The following UIMC1 variants were observed in gnomAD, a reference collection of about 807,000 sequenced individuals.
The protein encoded by UIMC1 is BRCA1-A complex subunit RAP80.
UIMC1 carries 42 observed loss-of-function variants against 84.9 expected under a neutral mutation model. The ratio of observed to expected loss-of-function variants is 0.49; its 90% CI spans 0.39 to 0.64. UIMC1 has a LOEUF of 0.64. Among genes scored for constraint, UIMC1 ranks in the 30% least tolerant of loss-of-function variants. UIMC1 has a pLI of 0.00. For synonymous variants in UIMC1, 281 were observed against 293.0 expected, an observed-to-expected ratio of 0.96 and a Z score of 0.42; for missense variants, 825 against 847.6, an observed-to-expected ratio of 0.97 and a Z score of 0.33.
At chr5:176,957,511 G>A (rs1766753459) in intron 7 of UIMC1, among the ~76,000 whole-genome samples, 1 of 152,200 alleles carries the variant, frequency 6.6e-6, no homozygotes, top group Non-Finnish European at 1.5e-5. Context: ...AGGAGGTAAT[G>A]CAAATACCAT....
chr5:176,933,335 G>T, intron 10 of UIMC1, among the ~76,000 whole-genome samples: 1 of 152,214 alleles, frequency 6.6e-6, no homozygotes, highest in East Asian at 1.9e-4. Flanking sequence ...AAAGAAACAT[G>T]AAGTACAATG....
At chr5:176,935,520 C>A (rs1390574719) in intron 10 of UIMC1, among the ~76,000 whole-genome samples, 1 of 152,084 alleles carries the variant, frequency 6.6e-6, no homozygotes, top group African/African-American at 2.4e-5. Flanking sequence ...TCAGTCTGTC[C>A]CCAAAATCCT....
chr5:177,004,089 A>G (rs1270492822), intron 1 of UIMC1, among the ~76,000 whole-genome samples: 2 of 152,202 alleles, frequency 1.3e-5, no homozygotes, highest in Non-Finnish European at 2.9e-5. Context: ...TCAGCCTCCC[A>G]AAGTGCTGGG....
intron 1 of UIMC1, among the ~76,000 whole-genome samples, chr5:177,012,283 T>C (rs1021018620): frequency 2.6e-5 from 4 of 152,252 alleles, no homozygotes; most frequent in Admixed American, 1.3e-4. Flanking sequence ...TTTAACACAT[T>C]ATTTGTCTCT....
chr5:176,910,089 T>A (rs1202470335), intron 11 of UIMC1, among the ~76,000 whole-genome samples: 1 of 152,166 alleles, frequency 6.6e-6, no homozygotes, highest in Non-Finnish European at 1.5e-5. Flanking sequence ...AAGGCAAGTA[T>A]CTCTCTCAAA....
intron 1 of UIMC1, among the ~76,000 whole-genome samples, chr5:176,997,311 C>G (rs1270039506): frequency 6.6e-6 from 1 of 151,208 alleles, no homozygotes; most frequent in Non-Finnish European, 1.5e-5. Context: ...GGGTTCCTTA[C>G]TTTTACCACC....
intron 10 of UIMC1, among the ~76,000 whole-genome samples, chr5:176,917,074 C>T (rs375384098): frequency 6.6e-6 from 1 of 152,096 alleles, no homozygotes; most frequent in East Asian, 1.9e-4. Flanking sequence ...ACCTCAAAAC[C>T]ACCTCAGTAG....
chr5:176,970,478 GCTGTCA>G, intron 4 of UIMC1: 1 of 463,528 alleles, frequency 2.2e-6, no homozygotes, highest in East Asian at 4.6e-5. Flanking sequence ...CTTTTCAGAA[GCTGTCA>G]ACTTATGATA....
chr5:177,017,200 C>G (rs555373582), intron 1 of UIMC1, among the ~76,000 whole-genome samples: 1 of 152,308 alleles, frequency 6.6e-6, no homozygotes, highest in South Asian at 2.1e-4. Context: ...CTGATTCAAA[C>G]AACACTTCTT....
At chr5:176,972,825 A>G (rs1769463186) in intron 3 of UIMC1, among the ~76,000 whole-genome samples, 1 of 152,218 alleles carries the variant, frequency 6.6e-6, no homozygotes, top group Non-Finnish European at 1.5e-5. Context: ...TACCGACAAT[A>G]AAAGAGGAAA....
At chr5:176,987,555 A>T (rs940699444) in intron 1 of UIMC1, among the ~76,000 whole-genome samples, 1 of 152,098 alleles carries the variant, frequency 6.6e-6, no homozygotes, top group South Asian at 2.1e-4. Flanking sequence ...CAGGAGGCTG[A>T]GGTAAAAGGA....
intron 10 of UIMC1, among the ~76,000 whole-genome samples, chr5:176,932,496 GA>G (rs1262225368): frequency 6.6e-6 from 1 of 151,746 alleles, no homozygotes; most frequent in African/African-American, 2.4e-5. Flanking sequence ...ATAAAAACAG[GA>G]GACAGATATA....
rs1759252907 is a variant in UIMC1, at chr5:176,905,564, C to A, written c.1950-72G>T. On this transcript the variant is annotated intron_variant, in intron 14 of 14. Coordinates refer to ENST00000511320, the MANE Select transcript of UIMC1 (RefSeq NM_001199298.2). ...ATCAAGGACATGCTATGCACTGTAT[C>A]AGGGGATTTTACATATCAGGGGATT... 9 of 1,380,288 alleles carry A rather than the reference C, an allele frequency of 6.5e-6. 1 individual carries two copies. The South Asian group carries it at 1.1e-4, about 18-fold the overall frequency. The allele number at this position is 1,380,288 out of a possible 1,614,324, so 85.5% of individuals were successfully genotyped here.
At chr5:177,022,456 G>C (rs1363144203) in intron 1 of UIMC1, 2 of 420,838 alleles carry the variant, frequency 4.8e-6, no homozygotes, top group Non-Finnish European at 8.5e-6. Flanking sequence ...AAAGTATCAA[G>C]GGCTGACCGT....
At position 176,906,103 on chromosome 5, in the gene UIMC1, C is replaced by T. The variant is rs987882906; in HGVS notation, c.1913-56G>A. The T allele has an allele frequency of 9.6e-6, 15 of 1,555,968 alleles. No homozygotes were observed. In the South Asian group the frequency reaches 1.5e-4, roughly 15 times the overall value. On this transcript the variant is annotated intron_variant, in intron 13 of 14. Coordinates refer to ENST00000511320, the MANE Select transcript of UIMC1 (RefSeq NM_001199298.2). ...GGTAGTAGTGTTGGTAATCATAGCA[C>T]TTCTCACTGATCTTTTGCTTCCGTG...
chr5:176,957,498 T>C (rs1028777946), intron 7 of UIMC1, among the ~76,000 whole-genome samples: 2 of 152,108 alleles, frequency 1.3e-5, no homozygotes, highest in Non-Finnish European at 2.9e-5. Flanking sequence ...GCAAGAACAA[T>C]GGAGGAGGTA....
intron 7 of UIMC1, among the ~76,000 whole-genome samples, chr5:176,956,529 A>T (rs549271639): frequency 1.4e-4 from 22 of 152,310 alleles, no homozygotes; most frequent in Non-Finnish European, 4.4e-5. Context: ...AATAAAAAAC[A>T]ATTCCAAACT....
At chr5:176,986,908 C>A (rs1352712391) in intron 1 of UIMC1, among the ~76,000 whole-genome samples, 1 of 151,964 alleles carries the variant, frequency 6.6e-6, no homozygotes, top group African/African-American at 2.4e-5. Flanking sequence ...TAAAAAAAAA[C>A]ACTAAGAAAC....
rs1234028285 is a variant in UIMC1, at chr5:176,934,520, G to A, written c.1597+8815C>T. ...ACTGTAGCACCAAAGGCAAAAGCCT[G>A]ATCCTCAATTATGTCAATGAGCCAA... is the stretch of plus-strand genomic sequence containing the variant. On this transcript the variant is annotated intron_variant, in intron 10 of 14. Transcript: ENST00000511320. Among the ~76,000 whole-genome samples, 3 of 152,222 alleles carry A rather than the reference G, an allele frequency of 2.0e-5. 1 individual carries two copies. Among genetic ancestry groups the A allele is most frequent in the Admixed American group, 1.3e-4 (2 of 15,278 alleles).
Sources: gnomAD v4.1 joint callset for allele counts (sites outside exome capture counted in the v4.1 genomes callset) on GRCh38, gnomAD v4.1.1 for gene constraint, MANE v1.5 for transcripts, NCBI Gene and HGNC (gene_info 2026-07-23, HGNC 2026-07-21) for gene names.